The following ROBO2 variants were observed in gnomAD, a reference collection of about 807,000 sequenced individuals.
The protein encoded by ROBO2 is roundabout guidance receptor 2.
A neutral mutation model predicts 160.8 loss-of-function variants in ROBO2; 53 were observed. The ratio of observed to expected loss-of-function variants is 0.33; its 90% CI spans 0.26 to 0.41. The LOEUF is 0.41. Ranked by LOEUF, ROBO2 falls within the 10% of genes least tolerant of loss-of-function variation. The pLI, the probability that ROBO2 is intolerant of heterozygous loss-of-function variation, is 1.00. For synonymous variants in ROBO2, 664 were observed against 611.7 expected, an observed-to-expected ratio of 1.09 and a Z score of -1.26; for missense variants, 1,577 against 1,722.4, an observed-to-expected ratio of 0.92 and a Z score of 1.49.
chr3:77,055,071 T>TAA (rs759928177), intron 1 of ROBO2, among the ~76,000 whole-genome samples: 5 of 146,386 alleles, frequency 3.4e-5, no homozygotes, highest in East Asian at 4.0e-4. Context: ...ACTCATTCTT[T>TAA]AAAAAAAAAA....
intron 2 of ROBO2, among the ~76,000 whole-genome samples, chr3:76,995,829 G>A (rs562003770): frequency 4.3e-4 from 66 of 152,118 alleles, no homozygotes; most frequent in African/African-American, 1.6e-3. Context: ...TTGTTTGAGT[G>A]CATTGTAGAT....
chr3:77,434,905 G>T (rs1020159503), intron 2 of ROBO2, among the ~76,000 whole-genome samples: 2 of 152,022 alleles, frequency 1.3e-5, no homozygotes, highest in Non-Finnish European at 2.9e-5. Context: ...GAAACAGCCA[G>T]ATAATGAGTA....
chr3:76,901,574 A>G (rs1416260089), intron 2 of ROBO2, among the ~76,000 whole-genome samples: 4 of 150,056 alleles, frequency 2.7e-5, no homozygotes, highest in Non-Finnish European at 5.9e-5. Context: ...ATCTCAAAAA[A>G]AAAAAAAAAA....
intron 2 of ROBO2, among the ~76,000 whole-genome samples, chr3:77,422,061 T>A (rs1445529007): frequency 1.3e-5 from 2 of 152,166 alleles, no homozygotes; most frequent in Non-Finnish European, 2.9e-5. Flanking sequence ...TTTATACTCT[T>A]CTGGCAATTT....
chr3:77,099,132 C>A (rs756989124), intron 2 of ROBO2, among the ~76,000 whole-genome samples: 2 of 136,284 alleles, frequency 1.5e-5, no homozygotes, highest in African/African-American at 2.7e-5. Context: ...AGTGCAATGG[C>A]GCGATCTCTG....
At chr3:77,366,895 C>A (rs1237084784) in intron 2 of ROBO2, among the ~76,000 whole-genome samples, 1 of 116,584 alleles carries the variant, frequency 8.6e-6, no homozygotes, top group Non-Finnish European at 2.1e-5. Context: ...CTCACAGCAC[C>A]CCCCCGACAC....
At chr3:77,553,774 C>G (rs1351103445) in intron 8 of ROBO2, among the ~76,000 whole-genome samples, 4 of 151,818 alleles carry the variant, frequency 2.6e-5, no homozygotes, top group Admixed American at 2.6e-4. Flanking sequence ...GGTGAGGAAG[C>G]TGTAGAAGAA....
intron 2 of ROBO2, among the ~76,000 whole-genome samples, chr3:76,900,167 C>A (rs1002520889): frequency 6.6e-6 from 1 of 152,144 alleles, no homozygotes; most frequent in Non-Finnish European, 1.5e-5. Context: ...TTCACTATCA[C>A]AAGAACGGCA....
At chr3:76,871,339 G>A (rs2072037184) in intron 2 of ROBO2, among the ~76,000 whole-genome samples, 1 of 151,924 alleles carries the variant, frequency 6.6e-6, no homozygotes, top group African/African-American at 2.4e-5. Context: ...CGGATCACGA[G>A]GTCAGGAGAT....
At chr3:76,779,060 T>G (rs1054297265) in intron 2 of ROBO2, among the ~76,000 whole-genome samples, 1 of 151,004 alleles carries the variant, frequency 6.6e-6, no homozygotes. Flanking sequence ...AATCTCTACC[T>G]CTCATCCAGG....
chr3:77,461,776 G>A (rs574583855), intron 2 of ROBO2, among the ~76,000 whole-genome samples: 16 of 150,076 alleles, frequency 1.1e-4, no homozygotes, highest in African/African-American at 3.9e-4. Context: ...TTGCCAGGCT[G>A]GAGTGCAGTG....
At chr3:76,516,139 A>G (rs754069483) in intron 2 of ROBO2, among the ~76,000 whole-genome samples, 12 of 152,186 alleles carry the variant, frequency 7.9e-5, no homozygotes, top group Non-Finnish European at 5.9e-5. Flanking sequence ...TGCAATTTAC[A>G]AAAAGTGAGA....
At chr3:76,151,571 C>A (rs1246355333) in intron 2 of ROBO2, among the ~76,000 whole-genome samples, 1 of 152,154 alleles carries the variant, frequency 6.6e-6, no homozygotes, top group Admixed American at 6.6e-5. Flanking sequence ...AGAACAGCTG[C>A]TTAACACCTC....
At chr3:77,491,962 T>A (rs1373138316) in intron 4 of ROBO2, among the ~76,000 whole-genome samples, 1 of 152,184 alleles carries the variant, frequency 6.6e-6, no homozygotes, top group Non-Finnish European at 1.5e-5. Context: ...GGATCTTGAT[T>A]TAGTCAATAA....
At chr3:76,486,567 A>T (rs1052352112) in intron 2 of ROBO2, among the ~76,000 whole-genome samples, 7 of 152,280 alleles carry the variant, frequency 4.6e-5, no homozygotes, top group Non-Finnish European at 8.8e-5. Flanking sequence ...ATCTCTGGTT[A>T]TCTGATAATG....
chr3:76,789,978 C>G (rs2108717959), intron 2 of ROBO2, among the ~76,000 whole-genome samples: 1 of 151,682 alleles, frequency 6.6e-6, no homozygotes, highest in African/African-American at 2.4e-5. Flanking sequence ...CCATTTATCT[C>G]TATATTTTAC....
chr3:76,567,863 G>A (rs1348047012), intron 2 of ROBO2, among the ~76,000 whole-genome samples: 7 of 140,932 alleles, frequency 5.0e-5, no homozygotes, highest in African/African-American at 1.9e-4. Flanking sequence ...TGCCCAGGCT[G>A]GAGTGCAATG....
intron 2 of ROBO2, among the ~76,000 whole-genome samples, chr3:75,988,587 A>C (rs1364863094): frequency 6.6e-6 from 1 of 152,044 alleles, no homozygotes; most frequent in Non-Finnish European, 1.5e-5. Context: ...TTCTTGATTT[A>C]AGATCTGCAT....
At chr3:76,816,638 C>T (rs932352809) in intron 2 of ROBO2, among the ~76,000 whole-genome samples, 3 of 151,918 alleles carry the variant, frequency 2.0e-5, no homozygotes, top group South Asian at 2.1e-4. Context: ...CTGTCTTCCA[C>T]AACTATTGTG....
Sources: allele counts gnomAD v4.1 joint callset (sites outside exome capture counted in the v4.1 genomes callset), GRCh38; gene constraint gnomAD v4.1.1; transcripts MANE v1.5; gene names NCBI Gene and HGNC (gene_info 2026-07-23, HGNC 2026-07-21).